Variants in KIF14 observed in about 807,000 individuals in gnomAD.
KIF14 encodes the protein kinesin family member 14.
In KIF14, 98 loss-of-function variants were observed where a neutral mutation model predicts 176.2. The observed-to-expected ratio is 0.56, with a 90% CI of 0.47 to 0.66. KIF14 has a LOEUF of 0.66. Among genes scored for constraint, KIF14 ranks in the 30% least tolerant of loss-of-function variants. The probability of loss-of-function intolerance (pLI) is 0.00; values close to 1 mark genes in which losing one functional copy is unlikely to be tolerated. For missense variants in KIF14, 1,751 were observed against 1,920.4 expected (o/e 0.91, Z 1.65); for synonymous variants, 566 against 632.2 (o/e 0.90, Z 1.57).
intron 19 of KIF14, among the ~76,000 whole-genome samples, chr1:200,585,723 G>A (rs1439419917): frequency 6.6e-6 from 1 of 152,148 alleles, no homozygotes; most frequent in East Asian, 1.9e-4. Context: ...TCCTCACTTG[G>A]TGGAAGAGGT....
At chr1:200,554,139 C>T (rs1208046366) in intron 29 of KIF14, among the ~76,000 whole-genome samples, 1 of 151,932 alleles carries the variant, frequency 6.6e-6, no homozygotes, top group East Asian at 1.9e-4. Flanking sequence ...GCCTGTAATC[C>T]CAGCACTTTG....
intron 4 of KIF14, among the ~76,000 whole-genome samples, 188 bp from the exon 5 acceptor site, chr1:200,609,116 A>G (rs1325138886): frequency 6.6e-6 from 1 of 152,244 alleles, no homozygotes; most frequent in Non-Finnish European, 1.5e-5. Context: ...AGAAGAACGT[A>G]CAAATGGCAA....
chr1:200,575,753 GA>G (rs910550677), intron 21 of KIF14, 62 bp from the exon 22 acceptor site: 33 of 850,588 alleles, frequency 3.9e-5, no homozygotes, highest in African/African-American at 1.0e-4. Context: ...TAGCAACTAA[GA>G]AAAAAAAGAT....
At position 200,615,458 on chromosome 1, in the gene KIF14, T is replaced by C; in HGVS notation, c.1264A>G (p.Thr422Ala). ...GGTGCTGCTAGCTTCTCATAGACAG[T>C]TGTCTGGCTAGCGTAGTGAGGATGA... ...ECHPHYASQTTVYEKLAAPLL... is the reference protein window; with the variant it reads ...ECHPHYASQTAVYEKLAAPLL... The change falls in exon 3 of 30, where the codon ACT (threonine) becomes GCT (alanine). Residue 422 changes from threonine to alanine, a missense_variant. Transcript: ENST00000367350. 1 of 1,614,066 alleles carries C rather than the reference T, an allele frequency of 6.2e-7. No homozygotes were observed.
rs549614459 is a variant in KIF14, at chr1:200,579,009, T to G, written c.3465+1245A>C. Among the ~76,000 whole-genome samples, 15 of 152,246 alleles carry G rather than the reference T, an allele frequency of 9.9e-5. No individual in the cohort carries two copies. In the South Asian group the frequency reaches 2.5e-3, roughly 25 times the overall value. On this transcript the variant is annotated intron_variant, in intron 21 of 29. Transcript: ENST00000367350. ...AGGCGGCTGAGGCAGGAGAATGGCG[T>G]GAACTCAGGAGGTGGAGTTGCAGTG...
intron 4 of KIF14, among the ~76,000 whole-genome samples, chr1:200,612,508 C>G (rs570664531): frequency 2.0e-5 from 3 of 152,172 alleles, no homozygotes; most frequent in Non-Finnish European, 4.4e-5. Context: ...AAGCCCACAG[C>G]TTTCTCTTAT....
rs754744749 is a variant in KIF14 at position 200,565,055 on chromosome 1, GC to G, written c.4071+13del. 2 of 1,590,050 alleles carry G rather than the reference GC, an allele frequency of 1.3e-6. No homozygotes were observed. The highest frequency in any genetic ancestry group is 1.7e-6 in the Non-Finnish European group (2 of 1,161,562). On this transcript the variant is annotated intron_variant, in intron 25 of 29. Transcript: ENST00000367350. Reference sequence around the variant, plus strand: ...AAATGAATCCTTCAAATGATAATAAGCAAATCAATTTACCTGCAAAAATAAC... The same window carrying G: ...AAATGAATCCTTCAAATGATAATAAGAAATCAATTTACCTGCAAAAATAAC...
rs765602820 is a variant in KIF14 at position 200,590,158 on chromosome 1, A to G, written c.2928T>C (p.Tyr976=). Reference sequence around the variant, plus strand: ...CTTCCAGTGCTTTTATTTTGCTTTCATATGCAGCTTTTTGAGAAGAAAGCT... The same window carrying G: ...CTTCCAGTGCTTTTATTTTGCTTTCGTATGCAGCTTTTTGAGAAGAAAGCT... The part of the protein sequence containing the change: ...QQELSSQKAA[Y]ESKIKALEAE... Residue 976 remains tyrosine (Y), a synonymous_variant, in exon 17 of 30, where the codon TAT becomes TAC. Transcript: ENST00000367350. The G allele has an allele frequency of 9.3e-6, 15 of 1,611,242 alleles. No individual in the cohort carries two copies. Among genetic ancestry groups the G allele is most frequent in the African/African-American group, 1.3e-5 (1 of 74,692 alleles).
intron 5 of KIF14, 39 bp downstream of exon 5, chr1:200,608,791 C>A (rs114902761): frequency 0.029 from 36,499 of 1,242,394 alleles, 647 homozygotes; most frequent in Middle Eastern, 0.048. Context: ...TTTATAAGAA[C>A]AGAAATTCAA....
In KIF14 at chr1:200,570,590, T is replaced by TA. The variant is rs373672136; in HGVS notation, c.3567-586dup. On this transcript the variant is annotated intron_variant, in intron 22 of 29. Coordinates refer to ENST00000367350, the MANE Select transcript of KIF14 (RefSeq NM_014875.3). ...TTCAGAAGGACTGTGGCCTATGATG[T>TA]AAGAGAGAGAGTAGCAAGGGATTAA... 4.4e-3 allele frequency among the ~76,000 whole-genome samples: 669 copies of TA among 152,264 alleles called. 5 individuals are homozygous for TA. Among genetic ancestry groups the TA allele is most frequent in the African/African-American group, 0.015 (617 of 41,552 alleles).
At chr1:200,579,436 G>A (rs567774272) in intron 21 of KIF14, among the ~76,000 whole-genome samples, 2 of 152,192 alleles carry the variant, frequency 1.3e-5, no homozygotes, top group African/African-American at 2.4e-5. Flanking sequence ...GTGAAAACTC[G>A]TCTTTTTTAA....
At chr1:200,554,817 A>G (rs1299717159) in intron 28 of KIF14, among the ~76,000 whole-genome samples, 1 of 152,198 alleles carries the variant, frequency 6.6e-6, no homozygotes, top group Non-Finnish European at 1.5e-5. Flanking sequence ...ATTAATTTTC[A>G]AAGTCTGTCA....
intron 14 of KIF14, among the ~76,000 whole-genome samples, chr1:200,594,787 T>C (rs1659245442): frequency 6.6e-6 from 1 of 152,250 alleles, no homozygotes. Flanking sequence ...CTCCAAGATC[T>C]GTGATTAGAG....
At position 200,600,411 on chromosome 1, in the gene KIF14, T is replaced by C. The variant is rs1558080762; in HGVS notation, c.2245A>G (p.Thr749Ala). 4 of 1,613,960 alleles carry C rather than the reference T, an allele frequency of 2.5e-6. No homozygotes were observed. The highest frequency in any genetic ancestry group is 2.2e-5 in the East Asian group (1 of 44,866). ...ERYRLCRQEI[T>A]SLRMKLHQQE... is the part of the protein sequence containing the mutation. ...TGATGCAGTTTCATTCTTAAGGATG[T>C]TATTTCTTGCCGACAGAGCCTGTAT... Residue 749 changes from threonine to alanine, a missense_variant, in exon 12 of 30, where the codon ACA becomes GCA. By Grantham distance (58) the Thr-to-Ala change is moderately conservative. Transcript: ENST00000367350.
chr1:200,605,155 A>G, intron 8 of KIF14, 128 bp downstream of exon 8: 1 of 846,508 alleles, frequency 1.2e-6, no homozygotes, highest in Non-Finnish European at 1.9e-6. Flanking sequence ...TGGAAAAAAA[A>G]TACCTTGGTC....
chr1:200,603,022 G>A (rs947216283), intron 10 of KIF14, among the ~76,000 whole-genome samples: 15 of 152,052 alleles, frequency 9.9e-5, no homozygotes, highest in Non-Finnish European at 1.8e-4. Context: ...ATGAGGAAAC[G>A]GGCTAGAATA....
Position 200,618,052 on chromosome 1 carries a change from C to CA in KIF14, c.671dup (p.Ser225GlufsTer4). ...CTGATCTAACAACTTCAGTCTGACT[C>CA]AGGGAAGCAATGGGTGGTCTATTAC... is the stretch of plus-strand genomic sequence containing the variant. On this transcript the variant is annotated frameshift_variant, in exon 2 of 30. Transcript: ENST00000367350. LOFTEE classifies it high-confidence loss of function. 6.2e-7 allele frequency: 1 copy of CA among 1,614,144 alleles called. No individual in the cohort carries two copies. Among genetic ancestry groups the CA allele is most frequent in the Non-Finnish European group, 8.5e-7 (1 of 1,180,008 alleles).
chr1:200,605,266 A>G lies in KIF14; in HGVS notation c.1746+17T>C. ...GGGTGAAAACTGAAAGAGATCGGGA[A>G]CTTTTAAAAAAAATACCTTGGTCTG... On this transcript the variant is annotated intron_variant, in intron 8 of 29. Coordinates refer to ENST00000367350, the MANE Select transcript of KIF14 (RefSeq NM_014875.3). 1 of 1,589,396 alleles carries G rather than the reference A, an allele frequency of 6.3e-7. No individual in the cohort carries two copies. The highest frequency in any genetic ancestry group is 1.1e-5 in the South Asian group (1 of 89,504).
intron 7 of KIF14, 145 bp downstream of exon 7, chr1:200,605,719 G>T (rs1435405482): frequency 3.5e-6 from 2 of 563,716 alleles, no homozygotes; most frequent in Non-Finnish European, 6.1e-6. Context: ...CAATTATTTT[G>T]ATTAAAACTT....
Sources: allele counts gnomAD v4.1 joint callset (sites outside exome capture counted in the v4.1 genomes callset), GRCh38; gene constraint gnomAD v4.1.1; transcripts MANE v1.5; gene names NCBI Gene and HGNC (gene_info 2026-07-23, HGNC 2026-07-21).